ABCA8: variants seen among roughly 807,000 people sequenced by gnomAD.
ABCA8 encodes ABC-type organic anion transporter ABCA8.
In ABCA8, 177 loss-of-function variants were observed where a neutral mutation model predicts 192.3. That is an observed-to-expected ratio of 0.92 (90% CI 0.81 to 1.04). The LOEUF is 1.04. Among genes scored for constraint, ABCA8 ranks in the 50% least tolerant of loss-of-function variants. The probability of loss-of-function intolerance (pLI) is 0.00; values close to 1 mark genes in which losing one functional copy is unlikely to be tolerated. For missense variants in ABCA8, 1,915 were observed against 1,904.8 expected, an observed-to-expected ratio of 1.01 and a Z score of -0.10; for synonymous variants, 642 against 690.2, an observed-to-expected ratio of 0.93 and a Z score of 1.09.
chr17:68,922,190 CTCTCTTTTTTTTTTTTTTTTTTTTT>C (rs2067552227), intron 12 of ABCA8, 27 bp downstream of exon 12: 3 of 639,716 alleles, frequency 4.7e-6, no homozygotes, highest in Non-Finnish European at 6.1e-6. Context: ...TTCTTTCTCT[CTCTCTTTTTTTTTTTTTTTTTTTTT>C]TTTTTTTTTT....
In ABCA8 at chr17:68,903,299, A is replaced by G; in HGVS notation, c.2597+2T>C. The G allele has an allele frequency of 6.2e-7, 1 of 1,614,062 alleles. No homozygotes were observed. Among genetic ancestry groups the G allele is most frequent in the Non-Finnish European group, 8.5e-7 (1 of 1,180,000 alleles). ...AAAACCTATGGCAACTCTGATACTT[A>G]CAGTGCTAAAAGAGCTTTTCTTTCA... On this transcript the variant is annotated splice_donor_variant, in intron 20 of 39. Coordinates refer to ENST00000586539, the MANE Select transcript of ABCA8 (RefSeq NM_001288985.2). LOFTEE classifies it high-confidence loss of function.
chr17:68,922,987 G>C (rs982850636), intron 11 of ABCA8, among the ~76,000 whole-genome samples: 1 of 152,092 alleles, frequency 6.6e-6, no homozygotes, highest in Non-Finnish European at 1.5e-5. Flanking sequence ...TGGTTACATG[G>C]TGATGATGGC....
chr17:68,881,757 G>C, intron 31 of ABCA8, 106 bp downstream of exon 31: 1 of 746,112 alleles, frequency 1.3e-6, no homozygotes, highest in Non-Finnish European at 2.3e-6. Flanking sequence ...ATTCTCCTCT[G>C]GGTCTGCATG....
intron 10 of ABCA8, among the ~76,000 whole-genome samples, chr17:68,927,177 G>A (rs569944539): frequency 1.3e-5 from 2 of 152,256 alleles, no homozygotes; most frequent in South Asian, 4.2e-4. Context: ...AGAATTGCCT[G>A]AGCTGGAGAG....
chr17:68,893,516 A>C (rs2066664634), intron 23 of ABCA8, among the ~76,000 whole-genome samples: 1 of 152,064 alleles, frequency 6.6e-6, no homozygotes, highest in South Asian at 2.1e-4. Context: ...CTTTGTCTTG[A>C]ATTTCTTTTG....
chr17:68,891,061 CT>C (rs2066611875), intron 24 of ABCA8, among the ~76,000 whole-genome samples: 1 of 152,128 alleles, frequency 6.6e-6, no homozygotes, highest in South Asian at 2.1e-4. Context: ...AATCTTACCC[CT>C]ATTTAAGTTA....
At chr17:68,872,232 C>A (rs909221255) in intron 37 of ABCA8, among the ~76,000 whole-genome samples, 1 of 151,960 alleles carries the variant, frequency 6.6e-6, no homozygotes, top group African/African-American at 2.4e-5. Flanking sequence ...ACATATACAC[C>A]ATGGAATACT....
intron 32 of ABCA8, among the ~76,000 whole-genome samples, chr17:68,880,428 G>A (rs983193427): frequency 3.3e-5 from 5 of 152,150 alleles, no homozygotes; most frequent in African/African-American, 1.2e-4. Flanking sequence ...GACTAAAAAA[G>A]CTGTAACACA....
At chr17:68,893,768 G>T in intron 23 of ABCA8, among the ~76,000 whole-genome samples, 1 of 113,964 alleles carries the variant, frequency 8.8e-6, no homozygotes, top group Non-Finnish European at 1.9e-5. Context: ...TAGGTTTTAG[G>T]GTACATGTGC....
rs1401784148 is a variant in ABCA8, at chr17:68,929,681, A to G, written c.819T>C (p.Tyr273=). The part of the protein sequence containing the change: ...SAFWLSWGLL[Y]AGFIFIMALF... ...GGGCCATAATGAAGATGAAACCAGCATAGAGCAAACCCCAGGAGAGCCTAA... is the reference window on the plus strand; with the variant it reads ...GGGCCATAATGAAGATGAAACCAGCGTAGAGCAAACCCCAGGAGAGCCTAA... The change falls in exon 8 of 40, where the codon TAT becomes TAC. Residue 273 remains tyrosine, a synonymous_variant. Coordinates refer to ENST00000586539, the MANE Select transcript of ABCA8 (RefSeq NM_001288985.2). The G allele has an allele frequency of 3.7e-6, 6 of 1,613,308 alleles. No homozygotes were observed. The African/African-American group carries it at 4.0e-5, about 11-fold the overall frequency.
At chr17:68,944,114 T>G (rs1426326463) in intron 2 of ABCA8, among the ~76,000 whole-genome samples, 1 of 150,244 alleles carries the variant, frequency 6.7e-6, no homozygotes, top group East Asian at 2.0e-4. Flanking sequence ...GGAGAACACA[T>G]GGTCACAGGG....
chr17:68,929,292 TAA>T, intron 8 of ABCA8, 58 bp from the exon 9 acceptor site: 1 of 1,325,902 alleles, frequency 7.5e-7, no homozygotes, highest in East Asian at 2.5e-5. Context: ...ACTAGCATAA[TAA>T]AATAGATATA....
At position 68,927,870 on chromosome 17, in the gene ABCA8, T is replaced by C. The variant is rs374130635; in HGVS notation, c.1273+46A>G. ...CCATTAGGAGATTTGTTTTCAGAAA[T>C]AAAACTATTTAAATGATATATGATT... is the stretch of plus-strand genomic sequence containing the variant. On this transcript the variant is annotated intron_variant, in intron 10 of 39. Coordinates refer to ENST00000586539, the MANE Select transcript of ABCA8 (RefSeq NM_001288985.2). The C allele has an allele frequency of 1.0e-4, 139 of 1,369,070 alleles. No homozygotes were observed. The African/African-American group carries it at 1.8e-3, about 18-fold the overall frequency. The allele number at this position is 1,369,070 out of a possible 1,614,324, so 84.8% of individuals were successfully genotyped here.
chr17:68,944,196 C>T (rs770043399), intron 2 of ABCA8, among the ~76,000 whole-genome samples: 106 of 150,692 alleles, frequency 7.0e-4, no homozygotes, highest in Admixed American at 2.5e-3. Context: ...GGACAAATAC[C>T]TAATGCATGT....
At chr17:68,894,783 T>A in intron 22 of ABCA8, 97 bp downstream of exon 22, 1 of 1,325,282 alleles carries the variant, frequency 7.5e-7, no homozygotes, top group South Asian at 1.5e-5. Flanking sequence ...AAACAGTATT[T>A]GCTTTTCATT....
intron 17 of ABCA8, among the ~76,000 whole-genome samples, chr17:68,913,815 A>G (rs1341862487): frequency 6.6e-6 from 1 of 152,144 alleles, no homozygotes; most frequent in African/African-American, 2.4e-5. Flanking sequence ...AATCCTATTC[A>G]AAATTATTCT....
In ABCA8 at chr17:68,914,207, G is replaced by A. The variant is rs565795158; in HGVS notation, c.2138+3154C>T. 5.9e-5 allele frequency among the ~76,000 whole-genome samples: 9 copies of A among 151,822 alleles called. No homozygotes were observed. In the South Asian group the frequency reaches 1.7e-3, roughly 28 times the overall value. ...TACAGATAGTATCATACTCAATGGG[G>A]GAAAGCCTTTTTTCTAAGATCTGGA... On this transcript the variant is annotated intron_variant, in intron 17 of 39. Coordinates refer to ENST00000586539, the MANE Select transcript of ABCA8 (RefSeq NM_001288985.2).
rs185332533 is a variant in ABCA8 at position 68,881,104 on chromosome 17, C to T, written c.4038+16G>A. The T allele has an allele frequency of 3.2e-6, 5 of 1,561,164 alleles. No individual in the cohort carries two copies. The African/African-American group carries it at 6.8e-5, about 21-fold the overall frequency. On this transcript the variant is annotated intron_variant, in intron 32 of 39. Coordinates refer to ENST00000586539, the MANE Select transcript of ABCA8 (RefSeq NM_001288985.2). ...TTTCACCATTAGATAACATATTTTC[C>T]ACATAATTCACCTACTTGTCCAGCA... is the stretch of plus-strand genomic sequence containing the variant.
At position 68,921,584 on chromosome 17, in the gene ABCA8, ATTG is replaced by A. The variant is rs1203452955; in HGVS notation, c.1502-95_1502-93del. On this transcript the variant is annotated intron_variant, in intron 12 of 39. Coordinates refer to ENST00000586539, the MANE Select transcript of ABCA8 (RefSeq NM_001288985.2). Reference sequence around the variant, plus strand: ...AAATATTCCATTATGGAGCCAATGAATTGTTATTAATTCTCTTGAATGGTTGTC... The same window carrying A: ...AAATATTCCATTATGGAGCCAATGAATTATTAATTCTCTTGAATGGTTGTC... The A allele has an allele frequency of 7.7e-6, 5 of 646,386 alleles. No individual in the cohort carries two copies. In the African/African-American group the frequency reaches 9.1e-5, roughly 12 times the overall value. 40.0% of individuals were successfully genotyped at this position (646,386 alleles called of 1,614,324 possible).
Sources: allele counts gnomAD v4.1 joint callset (sites outside exome capture counted in the v4.1 genomes callset), GRCh38; gene constraint gnomAD v4.1.1; transcripts MANE v1.5; gene names NCBI Gene and HGNC (gene_info 2026-07-23, HGNC 2026-07-21).